Variants in OLA1 observed in about 807,000 individuals in gnomAD.
The protein encoded by OLA1 is Obg like ATPase 1.
A neutral mutation model predicts 48.4 loss-of-function variants in OLA1; 14 were observed. The observed-to-expected ratio is 0.29, with a 90% CI of 0.19 to 0.45. The LOEUF (loss-of-function observed/expected upper bound fraction) is 0.45. Among genes scored for constraint, OLA1 ranks in the 20% least tolerant of loss-of-function variants. The probability of loss-of-function intolerance (pLI) is 1.00; values close to 1 mark genes in which losing one functional copy is unlikely to be tolerated. For missense variants in OLA1, 325 were observed against 467.1 expected, an observed-to-expected ratio of 0.70 and a Z score of 2.80; for synonymous variants, 127 against 150.4, an observed-to-expected ratio of 0.84 and a Z score of 1.14.
At chr2:174,170,256 A>C (rs1687265807) in intron 4 of OLA1, among the ~76,000 whole-genome samples, 2 of 152,152 alleles carry the variant, frequency 1.3e-5, no homozygotes, top group African/African-American at 2.4e-5. Flanking sequence ...AAAAATACAA[A>C]AACAACAACA....
chr2:174,138,139 T>A (rs1686354822), intron 5 of OLA1, among the ~76,000 whole-genome samples: 1 of 152,270 alleles, frequency 6.6e-6, no homozygotes, highest in African/African-American at 2.4e-5. Flanking sequence ...GCTAACGTGG[T>A]GCAAAAGACC....
At chr2:174,189,870 A>G (rs1687736562) in intron 4 of OLA1, among the ~76,000 whole-genome samples, 1 of 126,932 alleles carries the variant, frequency 7.9e-6, no homozygotes, top group Non-Finnish European at 1.6e-5. Context: ...GAGCAAAAAA[A>G]AAAAAAACAA....
intron 4 of OLA1, among the ~76,000 whole-genome samples, chr2:174,206,008 A>G (rs1015534388): frequency 6.6e-6 from 1 of 152,230 alleles, no homozygotes; most frequent in Middle Eastern, 3.2e-3. Flanking sequence ...CTGACGTAGG[A>G]AAACTGTATC....
chr2:174,180,091 A>G (rs1430723962), intron 4 of OLA1, among the ~76,000 whole-genome samples: 1 of 152,128 alleles, frequency 6.6e-6, no homozygotes, highest in Non-Finnish European at 1.5e-5. Flanking sequence ...TAATCAAGCA[A>G]CATACTGTAA....
At chr2:174,170,628 G>A (rs1452468554) in intron 4 of OLA1, among the ~76,000 whole-genome samples, 2 of 152,196 alleles carry the variant, frequency 1.3e-5, no homozygotes, top group African/African-American at 2.4e-5. Flanking sequence ...CAAGCCCAGT[G>A]GCTCACACTA....
chr2:174,165,769 TATAAGA>T (rs1335467632), intron 4 of OLA1, among the ~76,000 whole-genome samples: 3 of 152,096 alleles, frequency 2.0e-5, no homozygotes, highest in Admixed American at 2.0e-4. Flanking sequence ...AAACACACTT[TATAAGA>T]ATGAGAATGC....
chr2:174,146,163 G>A (rs1233432253), intron 4 of OLA1, among the ~76,000 whole-genome samples: 2 of 152,052 alleles, frequency 1.3e-5, no homozygotes, highest in African/African-American at 4.8e-5. Context: ...AAGATAAAGA[G>A]TTTAAGGTGG....
chr2:174,108,680 G>GA (rs1425130019), intron 7 of OLA1, among the ~76,000 whole-genome samples: 1 of 152,116 alleles, frequency 6.6e-6, no homozygotes, highest in East Asian at 1.9e-4. Context: ...TGCTGTCTTG[G>GA]ATGACAGCTT....
intron 4 of OLA1, among the ~76,000 whole-genome samples, chr2:174,196,873 C>A (rs1336298362): frequency 1.3e-5 from 2 of 152,016 alleles, no homozygotes. Context: ...ATATTCTCAA[C>A]CTAAAAAAGA....
chr2:174,145,961 C>T (rs1442113980), intron 4 of OLA1, among the ~76,000 whole-genome samples: 4 of 152,212 alleles, frequency 2.6e-5, no homozygotes, highest in African/African-American at 9.6e-5. Flanking sequence ...AGGAGTTGTG[C>T]AATACTTCAG....
At chr2:174,244,570 A>G (rs1689084893) in intron 2 of OLA1, among the ~76,000 whole-genome samples, 1 of 152,078 alleles carries the variant, frequency 6.6e-6, no homozygotes. Context: ...TGATAGGTAA[A>G]TAGTTGTTTA....
intron 4 of OLA1, among the ~76,000 whole-genome samples, chr2:174,159,976 C>T (rs1188424015): frequency 2.0e-5 from 3 of 151,720 alleles, no homozygotes; most frequent in Admixed American, 6.6e-5. Context: ...TTAAATACAG[C>T]GATATATTAA....
At chr2:174,246,861 C>T in intron 1 of OLA1, 46 bp from the exon 2 acceptor site, 2 of 1,132,072 alleles carry the variant, frequency 1.8e-6, no homozygotes, top group Non-Finnish European at 2.7e-6. Flanking sequence ...TTACTATCCA[C>T]ATGGACCCAA....
intron 6 of OLA1, 82 bp from the exon 7 acceptor site, chr2:174,123,359 A>G (rs933826100): frequency 3.0e-6 from 2 of 672,870 alleles, no homozygotes; most frequent in African/African-American, 3.8e-5. Flanking sequence ...GAAAGTAAAC[A>G]TTCCTTAAAA....
At chr2:174,081,282 T>C in intron 8 of OLA1, 34 bp from the exon 9 acceptor site, 1 of 1,529,826 alleles carries the variant, frequency 6.5e-7, no homozygotes, top group South Asian at 1.1e-5. Context: ...ACCCAACACA[T>C]AAGTTGATTG....
chr2:174,085,197 G>A (rs1295146110), intron 7 of OLA1, among the ~76,000 whole-genome samples: 3 of 152,174 alleles, frequency 2.0e-5, no homozygotes, highest in Non-Finnish European at 4.4e-5. Context: ...CAAAAAGGAT[G>A]ATACTTTGAG....
chr2:174,163,534 C>T (rs945715023), intron 4 of OLA1, among the ~76,000 whole-genome samples: 10 of 150,876 alleles, frequency 6.6e-5, no homozygotes, highest in Admixed American at 1.3e-4. Flanking sequence ...ACTAAAACTA[C>T]GAAAATTAGC....
chr2:174,137,565 T>A (rs1032206782), intron 5 of OLA1, among the ~76,000 whole-genome samples: 1 of 152,232 alleles, frequency 6.6e-6, no homozygotes, highest in African/African-American at 2.4e-5. Context: ...TTTGTTGACA[T>A]TGAACATCTG....
intron 4 of OLA1, among the ~76,000 whole-genome samples, chr2:174,196,118 TAACAGTCTA>T (rs1172586553): frequency 6.6e-6 from 1 of 152,164 alleles, no homozygotes; most frequent in Non-Finnish European, 1.5e-5. Context: ...AGAAGTTATC[TAACAGTCTA>T]AATATTTATT....
Sources: gnomAD v4.1 joint callset for allele counts (sites outside exome capture counted in the v4.1 genomes callset) on GRCh38, gnomAD v4.1.1 for gene constraint, MANE v1.5 for transcripts, NCBI Gene and HGNC (gene_info 2026-07-23, HGNC 2026-07-21) for gene names.